SPMIP2: variants seen among roughly 807,000 people sequenced by gnomAD.
SPMIP2 encodes the protein protein SPMIP2.
the SPMIP2 span, among the ~76,000 whole-genome samples, chr4:159,049,779 T>C: frequency 6.9e-6 from 1 of 145,798 alleles, no homozygotes; most frequent in African/African-American, 2.7e-5. Context: ...TAGAATCCAC[T>C]TAAAATGAAT....
the SPMIP2 span, among the ~76,000 whole-genome samples, chr4:158,942,648 G>A: frequency 6.6e-6 from 1 of 152,026 alleles, no homozygotes; most frequent in Non-Finnish European, 1.5e-5. Flanking sequence ...TGGTGGGGAG[G>A]TGCCTGTAAT....
chr4:158,949,685 T>C, the SPMIP2 span, among the ~76,000 whole-genome samples: 1 of 152,230 alleles, frequency 6.6e-6, no homozygotes, highest in Non-Finnish European at 1.5e-5. Flanking sequence ...CCTTTATTAC[T>C]TACTTGGGAA....
the SPMIP2 span, among the ~76,000 whole-genome samples, chr4:159,060,813 C>T: frequency 1.2e-4 from 18 of 152,132 alleles, no homozygotes; most frequent in African/African-American, 1.7e-4. Context: ...GGCTGGGTGC[C>T]GTGGCTCCCG....
At chr4:158,960,232 C>A in the SPMIP2 span, 1 of 1,049,708 alleles carries the variant, frequency 9.5e-7, no homozygotes, top group Non-Finnish European at 1.4e-6. Context: ...AATCCTGTTA[C>A]CAATTTAGGA....
the SPMIP2 span, among the ~76,000 whole-genome samples, chr4:158,953,777 G>A: frequency 2.4e-4 from 37 of 152,338 alleles, no homozygotes; most frequent in Admixed American, 2.0e-3. Flanking sequence ...TGACCTGGAT[G>A]TAAGACCTGG....
the SPMIP2 span, among the ~76,000 whole-genome samples, chr4:158,925,040 G>T: frequency 9.2e-5 from 14 of 152,116 alleles, no homozygotes; most frequent in Non-Finnish European, 2.1e-4. Flanking sequence ...GTCTGCTTTG[G>T]TAACAGAGTA....
chr4:159,012,327 T>C, the SPMIP2 span, among the ~76,000 whole-genome samples: 5 of 152,110 alleles, frequency 3.3e-5, no homozygotes, highest in Non-Finnish European at 7.4e-5. Flanking sequence ...ATTCCTAAAC[T>C]TGATGTATGA....
chr4:159,059,531 C>T, the SPMIP2 span, among the ~76,000 whole-genome samples: 1 of 152,130 alleles, frequency 6.6e-6, no homozygotes. Context: ...CACCACCAAA[C>T]TCAGATAATT....
chr4:159,044,238 C>T, the SPMIP2 span, among the ~76,000 whole-genome samples: 4 of 151,216 alleles, frequency 2.6e-5, no homozygotes, highest in African/African-American at 4.9e-5. Flanking sequence ...CAGCTGGGCA[C>T]GGTGCCTGTA....
chr4:158,929,395 T>G, the SPMIP2 span, among the ~76,000 whole-genome samples: 1 of 152,254 alleles, frequency 6.6e-6, no homozygotes, highest in African/African-American at 2.4e-5. Flanking sequence ...GTAGGATTTA[T>G]GTCTGTTATT....
At chr4:159,037,827 C>CATAT in the SPMIP2 span, among the ~76,000 whole-genome samples, 24,304 of 124,514 alleles carry the variant, frequency 0.2, 2,498 homozygotes, top group East Asian at 0.43. Flanking sequence ...CACACACACA[C>CATAT]ATATATATAT....
the SPMIP2 span, among the ~76,000 whole-genome samples, chr4:159,053,021 A>C: frequency 2.4e-5 from 3 of 127,276 alleles, no homozygotes; most frequent in African/African-American, 9.2e-5. Context: ...CAGTGGCGGG[A>C]TCTCGGCTCA....
chr4:158,922,743 C>T, the SPMIP2 span, among the ~76,000 whole-genome samples: 1 of 152,188 alleles, frequency 6.6e-6, no homozygotes, highest in African/African-American at 2.4e-5. Flanking sequence ...TAGTAACACT[C>T]AGTCCCCATT....
chr4:159,011,689 G>C, the SPMIP2 span, among the ~76,000 whole-genome samples: 1 of 151,406 alleles, frequency 6.6e-6, no homozygotes, highest in Non-Finnish European at 1.5e-5. Context: ...GGGAGGCGGA[G>C]GTTGTGTTGA....
the SPMIP2 span, among the ~76,000 whole-genome samples, chr4:158,989,612 C>A: frequency 6.6e-6 from 1 of 152,046 alleles, no homozygotes; most frequent in Non-Finnish European, 1.5e-5. Context: ...ACAAACCTGA[C>A]AAAAACAAGC....
the SPMIP2 span, among the ~76,000 whole-genome samples, chr4:158,992,717 G>GT: frequency 6.6e-6 from 1 of 152,186 alleles, no homozygotes; most frequent in Admixed American, 6.5e-5. Flanking sequence ...ATGGTGCCTT[G>GT]TTGCTGCATC....
the SPMIP2 span, among the ~76,000 whole-genome samples, chr4:159,018,251 G>A: frequency 6.6e-6 from 1 of 152,228 alleles, no homozygotes; most frequent in African/African-American, 2.4e-5. Context: ...CCACGTGGCT[G>A]CAGCAGCCCC....
the SPMIP2 span, among the ~76,000 whole-genome samples, chr4:158,997,372 AG>A: frequency 1.3e-5 from 2 of 152,056 alleles, no homozygotes; most frequent in African/African-American, 4.8e-5. Context: ...CTGGGATTAC[AG>A]GCATGCGCCA....
At chr4:159,022,859 G>A in the SPMIP2 span, among the ~76,000 whole-genome samples, 2 of 151,620 alleles carry the variant, frequency 1.3e-5, no homozygotes, top group Admixed American at 6.6e-5. Flanking sequence ...TTGAAACCCC[G>A]TCTCTACTAA....
Sources: gnomAD v4.1 joint callset for allele counts (sites outside exome capture counted in the v4.1 genomes callset) on GRCh38, gnomAD v4.1.1 for gene constraint, MANE v1.5 for transcripts, NCBI Gene and HGNC (gene_info 2026-07-23, HGNC 2026-07-21) for gene names.